The following CSNK1G3 variants were observed in gnomAD, a reference collection of about 807,000 sequenced individuals.
CSNK1G3 encodes casein kinase 1 gamma 3.
A neutral mutation model predicts 64.3 loss-of-function variants in CSNK1G3; 23 were observed. The observed-to-expected ratio is 0.36, with a 90% CI of 0.26 to 0.51. The LOEUF is 0.51. Ranked by LOEUF, CSNK1G3 falls within the 20% of genes least tolerant of loss-of-function variation. The pLI, the probability that CSNK1G3 is intolerant of heterozygous loss-of-function variation, is 0.96. For missense variants in CSNK1G3, 357 were observed against 510.5 expected (o/e 0.70, Z 2.90); for synonymous variants, 158 against 162.2 (o/e 0.97, Z 0.20).
intron 1 of CSNK1G3, among the ~76,000 whole-genome samples, chr5:123,541,433 CATTT>C: frequency 6.6e-6 from 1 of 151,886 alleles, no homozygotes; most frequent in South Asian, 2.1e-4. Flanking sequence ...TGTATTTGTT[CATTT>C]ATTTATTTTG....
intron 1 of CSNK1G3, among the ~76,000 whole-genome samples, chr5:123,524,050 G>A (rs916240745): frequency 4.6e-5 from 7 of 152,212 alleles, no homozygotes; most frequent in Admixed American, 3.3e-4. Context: ...TGGACCTGCA[G>A]CAACCCCTTA....
intron 1 of CSNK1G3, among the ~76,000 whole-genome samples, chr5:123,525,748 C>A (rs1457159729): frequency 6.6e-6 from 1 of 151,960 alleles, no homozygotes; most frequent in African/African-American, 2.4e-5. Flanking sequence ...AATCCCAGCA[C>A]TTTGGGAGGC....
At chr5:123,604,243 ATGGTG>A (rs1428191948) in intron 10 of CSNK1G3, among the ~76,000 whole-genome samples, 1 of 152,122 alleles carries the variant, frequency 6.6e-6, no homozygotes, top group Non-Finnish European at 1.5e-5. Context: ...GGGTGAATGA[ATGGTG>A]TTGTCTCTAT....
rs183392024 is a variant in CSNK1G3 at position 123,606,600 on chromosome 5, A to G, written c.1217+1238A>G. On this transcript the variant is annotated intron_variant, in intron 12 of 12. Coordinates refer to ENST00000345990, the Ensembl canonical transcript of CSNK1G3. ...TTGTCTGGCACACGGCAGGTACTCA[A>G]TAGCTATTATCACCCCTATTTATTT... Among the ~76,000 whole-genome samples, 3 of 152,252 alleles carry G rather than the reference A, an allele frequency of 2.0e-5. No individual in the cohort carries two copies. The East Asian group carries it at 5.8e-4, about 29-fold the overall frequency.
chr5:123,542,849 A>AGAGT (rs1554070090), intron 1 of CSNK1G3, among the ~76,000 whole-genome samples: 1 of 134,848 alleles, frequency 7.4e-6, no homozygotes, highest in Non-Finnish European at 1.6e-5. Flanking sequence ...GCCTAGATTT[A>AGAGT]GTGTGTGTGT....
At chr5:123,578,023 C>T (rs570808725) in intron 6 of CSNK1G3, among the ~76,000 whole-genome samples, 1 of 151,836 alleles carries the variant, frequency 6.6e-6, no homozygotes, top group Non-Finnish European at 1.5e-5. Context: ...TATGTTGTTG[C>T]AAGTATCAGT....
At chr5:123,552,117 A>G (rs569788172) in intron 2 of CSNK1G3, among the ~76,000 whole-genome samples, 55 of 151,804 alleles carry the variant, frequency 3.6e-4, no homozygotes, top group African/African-American at 1.3e-3. Context: ...TAAATATTTT[A>G]TGTAATCAAA....
At chr5:123,591,621 A>G (rs926905105) in intron 10 of CSNK1G3, among the ~76,000 whole-genome samples, 1 of 152,078 alleles carries the variant, frequency 6.6e-6, no homozygotes, top group African/African-American at 2.4e-5. Context: ...ATTAGTGTAA[A>G]CTTTTAGGAA....
rs76085036 is a variant in CSNK1G3 at position 123,596,249 on chromosome 5, A to G, written c.1086+4835A>G. Among the ~76,000 whole-genome samples the G allele has an allele frequency of 3.1e-3, 475 of 152,132 alleles. 9 individuals carry two copies. The highest frequency in any genetic ancestry group is 0.02 in the Admixed American group (298 of 15,268). On this transcript the variant is annotated intron_variant, in intron 10 of 12. Transcript: ENST00000345990. ...CAGTAATGTGTGGTAGACTTATTTG[A>G]GTAGATCTATAAAAGTCTAGGGTGA...
intron 1 of CSNK1G3, among the ~76,000 whole-genome samples, chr5:123,528,320 T>G (rs1376047618): frequency 6.6e-6 from 1 of 152,138 alleles, no homozygotes; most frequent in Non-Finnish European, 1.5e-5. Flanking sequence ...ACTTTCTCTT[T>G]CCTCTTCTAT....
intron 1 of CSNK1G3, among the ~76,000 whole-genome samples, chr5:123,516,981 CT>C (rs1376758127): frequency 6.6e-6 from 1 of 152,114 alleles, no homozygotes; most frequent in East Asian, 1.9e-4. Flanking sequence ...CCATTATATT[CT>C]TCATCAAAAT....
intron 6 of CSNK1G3, among the ~76,000 whole-genome samples, chr5:123,580,812 C>T (rs559390953): frequency 2.6e-5 from 4 of 151,734 alleles, no homozygotes; most frequent in Admixed American, 2.6e-4. Flanking sequence ...AAATAAAAAT[C>T]AGATCTTTTA....
chr5:123,519,104 A>ATCTC (rs1393133938), intron 1 of CSNK1G3, among the ~76,000 whole-genome samples: 6 of 151,018 alleles, frequency 4.0e-5, no homozygotes, highest in Non-Finnish European at 7.4e-5. Flanking sequence ...CCCAGGCTGG[A>ATCTC]GTGCCATGGC....
intron 4 of CSNK1G3, among the ~76,000 whole-genome samples, chr5:123,571,842 A>G (rs750176454): frequency 2.5e-4 from 38 of 152,314 alleles, no homozygotes; most frequent in Non-Finnish European, 4.4e-4. Flanking sequence ...TAATAGATAA[A>G]TGCAGTGTTA....
At chr5:123,559,306 A>G (rs1255459122) in intron 4 of CSNK1G3, among the ~76,000 whole-genome samples, 1 of 152,146 alleles carries the variant, frequency 6.6e-6, no homozygotes, top group Non-Finnish European at 1.5e-5. Flanking sequence ...CATTTGGAAG[A>G]ATAGGATTGA....
At chr5:123,548,265 C>T (rs993400992) in intron 2 of CSNK1G3, among the ~76,000 whole-genome samples, 2 of 151,974 alleles carry the variant, frequency 1.3e-5, no homozygotes, top group Middle Eastern at 3.2e-3. Flanking sequence ...TCAAGACCAG[C>T]CTCTGCAACA....
intron 1 of CSNK1G3, among the ~76,000 whole-genome samples, chr5:123,535,918 A>G (rs972746076): frequency 1.3e-5 from 2 of 152,102 alleles, no homozygotes; most frequent in Non-Finnish European, 2.9e-5. Context: ...GAGGAAGGGA[A>G]GTAGTTGTTG....
At chr5:123,532,128 C>T (rs548350366) in intron 1 of CSNK1G3, among the ~76,000 whole-genome samples, 6 of 151,744 alleles carry the variant, frequency 4.0e-5, no homozygotes, top group Admixed American at 6.6e-5. Context: ...TTTTTAGCAA[C>T]GGGTATAATT....
chr5:123,610,553 A>G (rs1796143748), intron 12 of CSNK1G3, among the ~76,000 whole-genome samples: 1 of 152,164 alleles, frequency 6.6e-6, no homozygotes, highest in African/African-American at 2.4e-5. Context: ...CAAAGGAGAA[A>G]TGGTGGTGCG....
Sources: allele counts gnomAD v4.1 joint callset (sites outside exome capture counted in the v4.1 genomes callset), GRCh38; gene constraint gnomAD v4.1.1; transcripts MANE v1.5; gene names NCBI Gene and HGNC (gene_info 2026-07-23, HGNC 2026-07-21).